RABGAP1L: variants seen among roughly 807,000 people sequenced by gnomAD.
RABGAP1L encodes RAB GTPase activating protein 1 like.
A neutral mutation model predicts 137.7 loss-of-function variants in RABGAP1L; 63 were observed. The observed-to-expected ratio is 0.46, with a 90% CI of 0.37 to 0.56. The LOEUF is 0.56. RABGAP1L is among the 20% of genes least tolerant of loss of function. The pLI is 0.00. For missense variants in RABGAP1L, 1,095 were observed against 1,244.0 expected, an observed-to-expected ratio of 0.88 and a Z score of 1.80; for synonymous variants, 431 against 433.7, an observed-to-expected ratio of 0.99 and a Z score of 0.08.
At chr1:174,427,740 C>A (rs956509700) in intron 13 of RABGAP1L, among the ~76,000 whole-genome samples, 4 of 152,218 alleles carry the variant, frequency 2.6e-5, no homozygotes, top group African/African-American at 4.8e-5. Context: ...AGATAAGACA[C>A]CTACTATATA....
intron 17 of RABGAP1L, among the ~76,000 whole-genome samples, chr1:174,727,016 C>A (rs114992557): frequency 0.022 from 3,363 of 152,216 alleles, 55 homozygotes; most frequent in Middle Eastern, 0.085. Flanking sequence ...TTTTGTGACT[C>A]CTCAGGCACC....
rs1410610740 is a variant in RABGAP1L, at chr1:174,448,129, G to A, written c.1710+53984G>A. Reference sequence around the variant, plus strand: ...TCCAAGCCATGAATGAATCCAGGTGGACTGAATGGAGGATCCTGAACATGA... The same window carrying A: ...TCCAAGCCATGAATGAATCCAGGTGAACTGAATGGAGGATCCTGAACATGA... On this transcript the variant is annotated intron_variant, in intron 13 of 25. Transcript: ENST00000681986. This position sits in a 1 kb window ranked among gnomAD's most constrained non-coding sequence, Gnocchi z 4.2. The A allele has an allele frequency of 6.2e-7, 1 of 1,612,348 alleles. No homozygotes were observed. The highest frequency in any genetic ancestry group is 1.7e-5 in the Admixed American group (1 of 59,962).
At chr1:174,202,613 C>T (rs2148398580) in intron 1 of RABGAP1L, among the ~76,000 whole-genome samples, 1 of 152,250 alleles carries the variant, frequency 6.6e-6, no homozygotes, top group South Asian at 2.1e-4. Context: ...CCTGTTCACT[C>T]TGATGGTAGT....
chr1:174,190,837 G>A (rs1667161847), intron 1 of RABGAP1L, among the ~76,000 whole-genome samples: 1 of 152,200 alleles, frequency 6.6e-6, no homozygotes. Context: ...TAAAATGAGA[G>A]ACTTGCAACT....
chr1:174,760,978 G>T (rs1685173537), intron 18 of RABGAP1L, among the ~76,000 whole-genome samples: 1 of 152,212 alleles, frequency 6.6e-6, no homozygotes, highest in Non-Finnish European at 1.5e-5. Context: ...ACTTGCCTCT[G>T]TGGAAATTAT....
At chr1:174,362,514 C>T (rs554031069) in intron 11 of RABGAP1L, among the ~76,000 whole-genome samples, 4 of 152,266 alleles carry the variant, frequency 2.6e-5, no homozygotes, top group African/African-American at 9.6e-5. Context: ...TTTTGATTTG[C>T]ATTTCTCTAA....
At chr1:174,452,812 T>C (rs1357411478) in intron 13 of RABGAP1L, among the ~76,000 whole-genome samples, 1 of 151,956 alleles carries the variant, frequency 6.6e-6, no homozygotes, top group Non-Finnish European at 1.5e-5. Context: ...CTGCCTGCCT[T>C]GGCCTCCTGA....
chr1:174,308,892 T>C (rs1436660195), intron 11 of RABGAP1L, among the ~76,000 whole-genome samples: 1 of 152,082 alleles, frequency 6.6e-6, no homozygotes, highest in Non-Finnish European at 1.5e-5. Context: ...TAGGATTTTT[T>C]TTTCTATTAC....
chr1:174,711,213 G>A (rs1265220557), intron 17 of RABGAP1L, among the ~76,000 whole-genome samples: 4 of 151,876 alleles, frequency 2.6e-5, no homozygotes, highest in South Asian at 2.1e-4. Flanking sequence ...TCCCACCTGC[G>A]CCTCTCCCTC....
intron 13 of RABGAP1L, among the ~76,000 whole-genome samples, chr1:174,516,904 G>A (rs1344460903): frequency 1.3e-5 from 2 of 150,556 alleles, no homozygotes; most frequent in African/African-American, 4.9e-5. Flanking sequence ...TCCAGCCTGG[G>A]TGACAGAGCG....
intron 15 of RABGAP1L, among the ~76,000 whole-genome samples, chr1:174,687,239 T>C (rs950014981): frequency 1.3e-5 from 2 of 152,168 alleles, no homozygotes; most frequent in African/African-American, 4.8e-5. Context: ...AAGGGCCACG[T>C]AGTGAGTCAG....
intron 13 of RABGAP1L, among the ~76,000 whole-genome samples, chr1:174,518,170 GTT>G (rs1663034452): frequency 6.6e-6 from 1 of 152,184 alleles, no homozygotes; most frequent in East Asian, 1.9e-4. Context: ...TCTGATTTAA[GTT>G]GTCTGGGACA....
intron 17 of RABGAP1L, among the ~76,000 whole-genome samples, chr1:174,739,971 A>T (rs866383872): frequency 1.3e-5 from 2 of 152,180 alleles, no homozygotes; most frequent in African/African-American, 4.8e-5. Flanking sequence ...CCCCTGTGGC[A>T]GAAAGAAACT....
rs913568980 is a variant in RABGAP1L, at chr1:174,978,998, G to A, written c.2733+108G>A. ...GTTTGAGACTAGCCTGAGCAACATA[G>A]CAGGACCCCATATCTACAAGGAAAA... On this transcript the variant is annotated intron_variant, in intron 23 of 25. Transcript: ENST00000681986. 3.0e-5 allele frequency: 40 copies of A among 1,316,090 alleles called. No individual in the cohort carries two copies. The African/African-American group carries it at 4.2e-4, about 14-fold the overall frequency. The allele number at this position is 1,316,090 out of a possible 1,614,324, so 81.5% of individuals were successfully genotyped here.
chr1:174,457,477 C>CT (rs746968960), intron 13 of RABGAP1L, among the ~76,000 whole-genome samples: 1,924 of 107,460 alleles, frequency 0.018, 87 homozygotes, highest in Admixed American at 0.091. Flanking sequence ...CAGGCATCAT[C>CT]TTTTTTTTTT....
At chr1:174,600,583 C>A (rs1348957586) in intron 13 of RABGAP1L, among the ~76,000 whole-genome samples, 1 of 152,144 alleles carries the variant, frequency 6.6e-6, no homozygotes, top group Non-Finnish European at 1.5e-5. Context: ...AGTTACAGGG[C>A]CCATGCAAGT....
chr1:174,846,142 G>A lies in RABGAP1L; in HGVS notation c.2340+34182G>A, dbSNP rs1385133822. On this transcript the variant is annotated intron_variant, in intron 19 of 25. Coordinates refer to ENST00000681986, the MANE Select transcript of RABGAP1L (RefSeq NM_001366446.1). ...TTTCTTCTTTATTAGTCTTGCTAGC[G>A]GTCTATCAATTTTGTTGATCCTTTC... is the stretch of plus-strand genomic sequence containing the variant. Among the ~76,000 whole-genome samples the A allele has an allele frequency of 1.9e-4, 28 of 151,240 alleles. 1 individual carries two copies. The highest frequency in any genetic ancestry group is 8.6e-4 in the Admixed American group (13 of 15,178).
chr1:174,565,004 A>G (rs1328901778), intron 13 of RABGAP1L, among the ~76,000 whole-genome samples: 1 of 152,176 alleles, frequency 6.6e-6, no homozygotes, highest in Non-Finnish European at 1.5e-5. Context: ...AGAATATCAA[A>G]TATTTGCCAT....
Position 174,402,807 on chromosome 1 carries a change from T to G in RABGAP1L, c.1710+8662T>G, listed in dbSNP as rs79062385. ...GCTTCTGAAATGAGTACTTCTTAAT[T>G]GTTGGCTTGAGGACCCACTAAGCAA... On this transcript the variant is annotated intron_variant, in intron 13 of 25. Transcript: ENST00000681986. Among the ~76,000 whole-genome samples, 219 of 152,278 alleles carry G rather than the reference T, an allele frequency of 1.4e-3. 1 individual carries two copies. Among genetic ancestry groups the G allele is most frequent in the South Asian group, 4.4e-3 (21 of 4,826 alleles).
Sources: allele counts gnomAD v4.1 joint callset (sites outside exome capture counted in the v4.1 genomes callset), GRCh38; gene constraint gnomAD v4.1.1; non-coding constraint Gnocchi (gnomAD v3.1); transcripts MANE v1.5; gene names NCBI Gene and HGNC (gene_info 2026-07-23, HGNC 2026-07-21).